FAT3: variants seen among roughly 807,000 people sequenced by gnomAD.
FAT3 encodes the protein protocadherin Fat 3.
FAT3 carries 95 observed loss-of-function variants against 310.2 expected under a neutral mutation model. The observed-to-expected ratio is 0.31, with a 90% confidence interval of 0.26 to 0.36. FAT3 has a LOEUF of 0.36. Ranked by LOEUF, FAT3 falls within the 10% of genes least tolerant of loss-of-function variation. The pLI, the probability that FAT3 is intolerant of heterozygous loss-of-function variation, is 1.00. For synonymous variants in FAT3, 2,314 were observed against 2,192.9 expected (o/e 1.06, Z -1.54); for missense variants, 5,408 against 5,715.6 (o/e 0.95, Z 1.74).
chr11:92,603,066 C>T (rs1006152641), intron 3 of FAT3, among the ~76,000 whole-genome samples: 2 of 152,168 alleles, frequency 1.3e-5, no homozygotes, highest in African/African-American at 2.4e-5. Context: ...AATCATTTAA[C>T]CCAAACTTTA....
intron 2 of FAT3, among the ~76,000 whole-genome samples, chr11:92,404,778 A>T (rs1483764193): frequency 1.3e-5 from 2 of 151,988 alleles, no homozygotes; most frequent in Non-Finnish European, 2.9e-5. Context: ...GTGGGTGAGT[A>T]TCACTCAACC....
chr11:92,669,780 A>G (rs1943074974), intron 3 of FAT3, among the ~76,000 whole-genome samples: 1 of 152,176 alleles, frequency 6.6e-6, no homozygotes, highest in Non-Finnish European at 1.5e-5. Context: ...CCAATCATGT[A>G]CTGTCTGAAC....
At chr11:92,368,919 T>C (rs11019932) in intron 2 of FAT3, among the ~76,000 whole-genome samples, 59 of 129,232 alleles carry the variant, frequency 4.6e-4, no homozygotes, top group African/African-American at 1.9e-3. Flanking sequence ...TATACACATA[T>C]ATATATACAC....
chr11:92,561,406 T>C (rs544097480), intron 3 of FAT3, among the ~76,000 whole-genome samples: 46 of 152,214 alleles, frequency 3.0e-4, no homozygotes, highest in African/African-American at 1.0e-3. Flanking sequence ...ATTTGTTTAA[T>C]ATTCATAAAA....
At chr11:92,831,487 G>A (rs1591791269) in intron 13 of FAT3, 135 bp from the exon 14 acceptor site, 1 of 663,472 alleles carries the variant, frequency 1.5e-6, no homozygotes, top group Admixed American at 3.6e-5. Flanking sequence ...CATTTTTGTA[G>A]AGCCACAGCT....
At chr11:92,708,975 T>G (rs998203327) in intron 4 of FAT3, among the ~76,000 whole-genome samples, 12 of 152,192 alleles carry the variant, frequency 7.9e-5, no homozygotes, top group African/African-American at 2.9e-4. Context: ...TCCACAGTCT[T>G]TCCCTCTGGC....
intron 3 of FAT3, among the ~76,000 whole-genome samples, chr11:92,582,646 G>A (rs1406709178): frequency 6.6e-6 from 1 of 151,982 alleles, no homozygotes; most frequent in Non-Finnish European, 1.5e-5. Context: ...GGTCTGCAGA[G>A]GCATATGCTC....
intron 1 of FAT3, among the ~76,000 whole-genome samples, chr11:92,233,220 T>C (rs1249154206): frequency 6.6e-6 from 1 of 152,248 alleles, no homozygotes; most frequent in Admixed American, 6.5e-5. Flanking sequence ...AGATTTTGGC[T>C]GTCTCCTATA....
chr11:92,343,862 T>A (rs1224905661), intron 1 of FAT3, among the ~76,000 whole-genome samples: 2 of 152,130 alleles, frequency 1.3e-5, no homozygotes, highest in African/African-American at 4.8e-5. Context: ...TGATTATACC[T>A]CACTTCCAAA....
intron 2 of FAT3, among the ~76,000 whole-genome samples, chr11:92,489,771 G>A (rs80200337): frequency 2.1e-3 from 313 of 152,184 alleles, no homozygotes; most frequent in African/African-American, 7.2e-3. Flanking sequence ...TTGTCGGGCT[G>A]GACGGAGTAG....
chr11:92,229,255 T>C (rs1864044683), intron 1 of FAT3, among the ~76,000 whole-genome samples: 4 of 152,174 alleles, frequency 2.6e-5, no homozygotes, highest in Admixed American at 1.3e-4. Context: ...TTCATCATCT[T>C]TCTACCCAAA....
At chr11:92,673,995 A>T (rs1943209418) in intron 3 of FAT3, among the ~76,000 whole-genome samples, 1 of 152,036 alleles carries the variant, frequency 6.6e-6, no homozygotes, top group Non-Finnish European at 1.5e-5. Flanking sequence ...AGCCTGGCCA[A>T]CATGGTGAAA....
At chr11:92,556,592 T>C (rs1166184494) in intron 3 of FAT3, among the ~76,000 whole-genome samples, 1 of 152,174 alleles carries the variant, frequency 6.6e-6, no homozygotes, top group Non-Finnish European at 1.5e-5. Context: ...ATCAGAAATA[T>C]CTGTGAGGCC....
In FAT3 at chr11:92,524,872, C is replaced by A. The variant is rs771482221; in HGVS notation, c.3531C>A (p.Ser1177=). The A allele has an allele frequency of 3.1e-6, 5 of 1,613,858 alleles. No individual in the cohort carries two copies. The South Asian group carries it at 5.5e-5, about 18-fold the overall frequency. The part of the protein sequence containing the change: ...VIQIQAEDPD[S]SSNEKLTYRI... The stretch of plus-strand genomic sequence containing the variant: ...AGATCCAGGCTGAAGATCCTGACTC[C>A]AGTTCCAATGAAAAACTGACATACA... The change falls in exon 3 of 28, where the codon TCC becomes TCA. Residue 1177 remains serine (S), a synonymous_variant. Transcript: ENST00000525166.
At chr11:92,244,881 A>G (rs1864835227) in intron 1 of FAT3, among the ~76,000 whole-genome samples, 1 of 152,144 alleles carries the variant, frequency 6.6e-6, no homozygotes. Flanking sequence ...GAACGCTTTT[A>G]CACTCTTGGT....
chr11:92,316,727 T>C (rs1947473350), intron 1 of FAT3, among the ~76,000 whole-genome samples: 1 of 152,212 alleles, frequency 6.6e-6, no homozygotes, highest in South Asian at 2.1e-4. Context: ...TTGGAATCAT[T>C]CTATTTCAAT....
chr11:92,503,731 A>G (rs1591375198), intron 2 of FAT3, among the ~76,000 whole-genome samples: 1 of 139,380 alleles, frequency 7.2e-6, no homozygotes, highest in East Asian at 2.3e-4. Flanking sequence ...AAAAATACAC[A>G]TGTCTGGTCT....
Position 92,353,376 on chromosome 11 carries a change from ATTAATCCTCGGTCGGGTCTGATTG to A in FAT3, c.1268_1291del (p.Asn423_Val430del). 1 of 1,613,498 alleles carries A rather than the reference ATTAATCCTCGGTCGGGTCTGATTG, an allele frequency of 6.2e-7. No individual in the cohort carries two copies. The highest frequency in any genetic ancestry group is 1.1e-5 in the South Asian group (1 of 91,004). On this transcript the variant is annotated inframe_deletion, in exon 2 of 28. Transcript: ENST00000525166. ...TGGTGAGGATGCAGTGTACTTTAAA[ATTAATCCTCGGTCGGGTCTGATTG>A]TTACAGCACGGCCACTGAATACTGT...
chr11:92,693,374 AC>A (rs1943849611), intron 3 of FAT3, among the ~76,000 whole-genome samples: 2 of 152,112 alleles, frequency 1.3e-5, no homozygotes, highest in Non-Finnish European at 2.9e-5. Flanking sequence ...TAATGCACAC[AC>A]CTCTCTCGTA....
Sources: gnomAD v4.1 joint callset for allele counts (sites outside exome capture counted in the v4.1 genomes callset) on GRCh38, gnomAD v4.1.1 for gene constraint, MANE v1.5 for transcripts, NCBI Gene and HGNC (gene_info 2026-07-23, HGNC 2026-07-21) for gene names.